The following GLDN variants were observed in gnomAD, a reference collection of about 807,000 sequenced individuals.
The protein encoded by GLDN is collomin.
Under a neutral mutation model 56.5 loss-of-function variants are expected in GLDN, and 47 were observed. That is an observed-to-expected ratio of 0.83 (90% confidence interval 0.66 to 1.06). GLDN has a LOEUF of 1.06. Among genes scored for constraint, GLDN ranks in the 50% least tolerant of loss-of-function variants. GLDN has a pLI of 0.00. For missense variants in GLDN, 782 were observed against 714.3 expected (o/e 1.09, Z -1.08); for synonymous variants, 332 against 278.8 (o/e 1.19, Z -1.90).
Position 51,383,460 on chromosome 15 carries a change from G to A in GLDN, c.433+7G>A, listed in dbSNP as rs374251952. 6.2e-7 allele frequency: 1 copy of A among 1,613,926 alleles called. No homozygotes were observed. Among genetic ancestry groups the A allele is most frequent in the Non-Finnish European group, 8.5e-7 (1 of 1,179,916 alleles). On this transcript the variant is annotated splice_region_variant and intron_variant, in intron 3 of 9. Coordinates refer to ENST00000335449, the MANE Select transcript of GLDN (RefSeq NM_181789.4). ...GGACCTTCTGGACCACCAGGTAAGA[G>A]CCCATGGATTTTCTAGTTCAAGGGG...
Position 51,381,019 on chromosome 15 carries a change from G to T in GLDN, c.416-2417G>T, listed in dbSNP as rs573306127. 3.3e-5 allele frequency among the ~76,000 whole-genome samples: 5 copies of T among 152,266 alleles called. No homozygotes were observed. In the East Asian group the frequency reaches 9.6e-4, roughly 29 times the overall value. ...CCAAACTGAATTAGGAACCCCAGAT[G>T]GGGCCTGGGTATCTGCATTTACTAG... is the stretch of plus-strand genomic sequence containing the variant. On this transcript the variant is annotated intron_variant, in intron 2 of 9. Coordinates refer to ENST00000335449, the MANE Select transcript of GLDN (RefSeq NM_181789.4).
At chr15:51,403,364 A>G (rs2038298256) in intron 9 of GLDN, among the ~76,000 whole-genome samples, 1 of 152,114 alleles carries the variant, frequency 6.6e-6, no homozygotes, top group Non-Finnish European at 1.5e-5. Context: ...ACTATTCTCT[A>G]GTTTCTTCAC....
chr15:51,382,740 A>G (rs1345323700), intron 2 of GLDN, among the ~76,000 whole-genome samples: 2 of 151,166 alleles, frequency 1.3e-5, no homozygotes, highest in African/African-American at 4.9e-5. Context: ...AAAAAAAAAA[A>G]GAAAAGAAAA....
intron 1 of GLDN, among the ~76,000 whole-genome samples, chr15:51,356,169 T>C (rs2141057556): frequency 6.7e-6 from 1 of 148,434 alleles, no homozygotes; most frequent in South Asian, 2.1e-4. Context: ...ATCGCGCCAC[T>C]GCACTATAGC....
rs1472841125 is a variant in GLDN at position 51,394,775 on chromosome 15, A to C, written c.542-60A>C. The C allele has an allele frequency of 3.2e-6, 5 of 1,577,430 alleles. No homozygotes were observed. The African/African-American group carries it at 6.8e-5, about 21-fold the overall frequency. On this transcript the variant is annotated intron_variant, in intron 4 of 9. Coordinates refer to ENST00000335449, the MANE Select transcript of GLDN (RefSeq NM_181789.4). Reference sequence around the variant, plus strand: ...GGAAAGCACAAAGCACAGTAATATAAAGTGGTGTGCCAGAACTTTTTGCAC... The same window carrying C: ...GGAAAGCACAAAGCACAGTAATATACAGTGGTGTGCCAGAACTTTTTGCAC...
rs1426734613 is a variant in GLDN, at chr15:51,407,149, T to A, written c.*2395T>A. On this transcript the variant is annotated 3_prime_UTR_variant, in exon 10 of 10. Coordinates refer to ENST00000335449, the MANE Select transcript of GLDN (RefSeq NM_181789.4). ...CCACTGGAGAAGCTTACACCGGGACTTTTTTTCTTTTTTCTTTTTTTTTTG... is the reference window on the plus strand; with the variant it reads ...CCACTGGAGAAGCTTACACCGGGACATTTTTTCTTTTTTCTTTTTTTTTTG... 6.6e-6 allele frequency: 1 copy of A among 151,942 alleles called. No homozygotes were observed. Among genetic ancestry groups the A allele is most frequent in the African/African-American group, 2.4e-5 (1 of 41,318 alleles). 9.4% of individuals were successfully genotyped at this position (151,942 alleles called of 1,614,324 possible).
chr15:51,377,573 C>T (rs575855399), intron 2 of GLDN, 73 bp downstream of exon 2: 41 of 1,068,482 alleles, frequency 3.8e-5, no homozygotes, highest in East Asian at 2.2e-4. Context: ...GCAGAATGAA[C>T]GCCTAGGGAC....
At chr15:51,383,598 G>T (rs535946911) in intron 3 of GLDN, 145 bp downstream of exon 3, 47 of 1,087,876 alleles carry the variant, frequency 4.3e-5, no homozygotes, top group Non-Finnish European at 6.2e-5. Context: ...CTCACCTGAG[G>T]CTCTGCCATC....
chr15:51,372,044 C>G (rs12439124), intron 1 of GLDN, among the ~76,000 whole-genome samples: 19,911 of 152,130 alleles, frequency 0.13, 2,617 homozygotes, highest in African/African-American at 0.34. Context: ...GGCTGCATCT[C>G]GTGACAGCCT....
chr15:51,386,657 G>A (rs2037900698), intron 4 of GLDN, among the ~76,000 whole-genome samples: 1 of 152,338 alleles, frequency 6.6e-6, no homozygotes, highest in South Asian at 2.1e-4. Flanking sequence ...GAATGAGCCA[G>A]AGTAGAGGCA....
At chr15:51,364,008 G>C (rs985401269) in intron 1 of GLDN, among the ~76,000 whole-genome samples, 2 of 151,786 alleles carry the variant, frequency 1.3e-5, no homozygotes, top group African/African-American at 4.8e-5. Context: ...TTTTCCTTTG[G>C]CTGCCTTTAA....
rs944953585 is a variant in GLDN, at chr15:51,406,694, C to T, written c.*1940C>T. On this transcript the variant is annotated 3_prime_UTR_variant, in exon 10 of 10. Transcript: ENST00000335449. ...ATACAGATTTAAATATTCAAATCTCCCTGCTCCCCTGAAAGTCCCCAGGCA... is the reference window on the plus strand; with the variant it reads ...ATACAGATTTAAATATTCAAATCTCTCTGCTCCCCTGAAAGTCCCCAGGCA... The T allele has an allele frequency of 2.6e-5, 4 of 152,112 alleles. No individual in the cohort carries two copies. Among genetic ancestry groups the T allele is most frequent in the African/African-American group, 9.7e-5 (4 of 41,416 alleles). The allele number at this position is 152,112 out of a possible 1,614,324, so 9.4% of individuals were successfully genotyped here.
intron 2 of GLDN, among the ~76,000 whole-genome samples, chr15:51,377,999 C>T (rs1454478049): frequency 6.6e-6 from 1 of 152,204 alleles, no homozygotes; most frequent in Non-Finnish European, 1.5e-5. Flanking sequence ...GTCCCAGTCT[C>T]TGGGGAGGCC....
chr15:51,355,029 G>A (rs2037147229), intron 1 of GLDN, among the ~76,000 whole-genome samples: 1 of 152,162 alleles, frequency 6.6e-6, no homozygotes, highest in Non-Finnish European at 1.5e-5. Flanking sequence ...CTAACTAATT[G>A]GATATAAGGA....
At chr15:51,346,519 T>C (rs1412671420) in intron 1 of GLDN, among the ~76,000 whole-genome samples, 2 of 152,202 alleles carry the variant, frequency 1.3e-5, no homozygotes, top group East Asian at 3.8e-4. Flanking sequence ...ATTCTCACAA[T>C]GTGTATAACA....
chr15:51,388,585 T>G (rs1463640996), intron 4 of GLDN, among the ~76,000 whole-genome samples: 1 of 152,218 alleles, frequency 6.6e-6, no homozygotes, highest in East Asian at 1.9e-4. Context: ...CTACCTTCAG[T>G]GCCTGGAACA....
intron 1 of GLDN, among the ~76,000 whole-genome samples, chr15:51,365,966 G>A (rs1400600061): frequency 6.6e-6 from 1 of 152,200 alleles, no homozygotes; most frequent in Non-Finnish European, 1.5e-5. Context: ...CAATTGTCCA[G>A]AATAAGTTGC....
intron 4 of GLDN, among the ~76,000 whole-genome samples, chr15:51,389,490 C>T (rs2037970381): frequency 6.6e-6 from 1 of 152,078 alleles, no homozygotes; most frequent in Admixed American, 6.5e-5. Flanking sequence ...GGCAATACTG[C>T]CAGAAGAAAA....
intron 1 of GLDN, among the ~76,000 whole-genome samples, chr15:51,366,921 A>G (rs752966857): frequency 1.3e-5 from 2 of 152,240 alleles, no homozygotes; most frequent in Non-Finnish European, 2.9e-5. Flanking sequence ...AGAAAGCAGA[A>G]TTAATTGATT....
Sources: gnomAD v4.1 joint callset for allele counts (sites outside exome capture counted in the v4.1 genomes callset) on GRCh38, gnomAD v4.1.1 for gene constraint, MANE v1.5 for transcripts, NCBI Gene and HGNC (gene_info 2026-07-23, HGNC 2026-07-21) for gene names.